The following DCAF4 variants were observed in gnomAD, a reference collection of about 807,000 sequenced individuals.
DCAF4 encodes the protein DDB1- and CUL4-associated factor 4.
DCAF4 carries 37 observed loss-of-function variants against 60.9 expected under a neutral mutation model. That is an observed-to-expected ratio of 0.61 (90% confidence interval 0.47 to 0.80). The LOEUF (loss-of-function observed/expected upper bound fraction) is 0.80, where lower values mean the gene tolerates loss of function less well. Ranked by LOEUF, DCAF4 falls within the 30% of genes least tolerant of loss-of-function variation. DCAF4 has a pLI of 0.00. For synonymous variants in DCAF4, 243 were observed against 254.8 expected (o/e 0.95, Z 0.44); for missense variants, 577 against 650.0 (o/e 0.89, Z 1.22).
downstream of DCAF4, chr14:72,960,552 C>G (rs775147573): frequency 1.1e-5 from 11 of 1,008,132 alleles, no homozygotes; most frequent in Non-Finnish European, 1.1e-5. Context: ...TGTGCCCCCT[C>G]AGCATTGTGG....
intron 1 of DCAF4, among the ~76,000 whole-genome samples, chr14:72,927,120 C>T (rs1398129307): frequency 6.6e-6 from 1 of 152,220 alleles, no homozygotes; most frequent in African/African-American, 2.4e-5. Context: ...CTCGCCTCCA[C>T]TCTGAGTTGT....
At chr14:72,947,071 C>T in intron 7 of DCAF4, 71 bp from the exon 8 acceptor site, 4 of 1,592,066 alleles carry the variant, frequency 2.5e-6, no homozygotes, top group Non-Finnish European at 3.4e-6. Flanking sequence ...TCTGTGTCCC[C>T]ACATGTTATT....
intron 4 of DCAF4, 144 bp downstream of exon 4, chr14:72,940,521 A>G: frequency 1.3e-6 from 1 of 770,582 alleles, no homozygotes; most frequent in Non-Finnish European, 1.9e-6. Flanking sequence ...TTTCCCTGAC[A>G]GGAAGAAGAC....
intron 2 of DCAF4, 111 bp from the exon 3 acceptor site, chr14:72,939,691 C>T: frequency 1.3e-6 from 1 of 795,678 alleles, no homozygotes; most frequent in South Asian, 2.0e-5. Context: ...TCAGAAAGGT[C>T]AGAGATCAGA....
chr14:72,956,016 A>G (rs1438536520), intron 12 of DCAF4, among the ~76,000 whole-genome samples: 1 of 135,020 alleles, frequency 7.4e-6, no homozygotes, highest in African/African-American at 2.8e-5. Flanking sequence ...TCTGTCTCTC[A>G]GGTTCAAGCG....
rs1356888157 is a variant in DCAF4 at position 72,958,677 on chromosome 14, TC to T, written c.1364del (p.Pro455ArgfsTer58). Reference protein sequence around the residue: ...HDARLLRTIPSPYPASKADIP... With the variant: ...HDARLLRTIPXPYPASKADIP... ...TGCCCGCCTACTGAGAACCATACCC[TC>T]CCCGTACCCTGCCTCCAAGGCCGAC... On this transcript the variant is annotated frameshift_variant, in exon 14 of 14. Coordinates refer to ENST00000358377, the MANE Select transcript of DCAF4 (RefSeq NM_015604.4). LOFTEE classifies it high-confidence loss of function. The T allele has an allele frequency of 6.2e-7, 1 of 1,613,994 alleles. No individual in the cohort carries two copies. Among genetic ancestry groups the T allele is most frequent in the Non-Finnish European group, 8.5e-7 (1 of 1,180,006 alleles).
At chr14:72,957,425 TTC>T in intron 13 of DCAF4, 1 of 152,364 alleles carries the variant, frequency 6.6e-6, no homozygotes, top group South Asian at 2.1e-4. Context: ...GCAGAATGTG[TTC>T]TCAGTCTTCA....
chr14:72,953,078 G>A (rs561603632), intron 9 of DCAF4, among the ~76,000 whole-genome samples: 16 of 120,636 alleles, frequency 1.3e-4, no homozygotes, highest in Non-Finnish European at 2.4e-4. Flanking sequence ...TCAGTTCACC[G>A]CAACCTCCGC....
intron 9 of DCAF4, among the ~76,000 whole-genome samples, chr14:72,952,413 G>A (rs1286251259): frequency 6.6e-6 from 1 of 152,134 alleles, no homozygotes; most frequent in Non-Finnish European, 1.5e-5. Flanking sequence ...AAGTGGACAG[G>A]GCCTTCTCAG....
At chr14:72,947,517 ACT>A (rs1890889472) in intron 8 of DCAF4, among the ~76,000 whole-genome samples, 3 of 152,176 alleles carry the variant, frequency 2.0e-5, no homozygotes, top group Non-Finnish European at 4.4e-5. Context: ...AGGCCGGCTC[ACT>A]CTGCCACTGT....
At chr14:72,953,399 A>G (rs904974913) in intron 9 of DCAF4, among the ~76,000 whole-genome samples, 2 of 152,084 alleles carry the variant, frequency 1.3e-5, no homozygotes, top group African/African-American at 4.8e-5. Context: ...CGTTCTATCA[A>G]TGCAAAAGTT....
intron 1 of DCAF4, among the ~76,000 whole-genome samples, chr14:72,927,972 G>A (rs11624935): frequency 0.44 from 66,386 of 151,656 alleles, 15,543 homozygotes; most frequent in East Asian, 0.54. Flanking sequence ...TAAATTATTT[G>A]TTAAGATGGG....
chr14:72,947,048 G>C lies in DCAF4; in HGVS notation c.679-94G>C. 4.7e-6 allele frequency: 7 copies of C among 1,500,578 alleles called. No homozygotes were observed. The South Asian group carries it at 7.9e-5, about 17-fold the overall frequency. The allele number at this position is 1,500,578 out of a possible 1,614,324, so 93.0% of individuals were successfully genotyped here. On this transcript the variant is annotated intron_variant, in intron 7 of 13. Transcript: ENST00000358377. ...TTTGAAGAGGAGCAGGACGTGAAGAGAGAAGTCACACGTCTGTGTCCCCAC... is the reference window on the plus strand; with the variant it reads ...TTTGAAGAGGAGCAGGACGTGAAGACAGAAGTCACACGTCTGTGTCCCCAC...
At chr14:72,929,659 T>C (rs1236126929) in intron 1 of DCAF4, 5 of 1,339,210 alleles carry the variant, frequency 3.7e-6, no homozygotes, top group Admixed American at 1.9e-5. Flanking sequence ...AGTACCTTGC[T>C]CAGCTCCTCC....
intron 6 of DCAF4, among the ~76,000 whole-genome samples, chr14:72,943,536 C>T (rs1406954242): frequency 6.6e-6 from 1 of 152,160 alleles, no homozygotes; most frequent in Non-Finnish European, 1.5e-5. Flanking sequence ...TTGCTTGCCG[C>T]CCCTGGCTTC....
intron 1 of DCAF4, among the ~76,000 whole-genome samples, chr14:72,930,639 G>GTA (rs1439964637): frequency 7.2e-6 from 1 of 138,184 alleles, no homozygotes; most frequent in Non-Finnish European, 1.6e-5. Context: ...GTATGTGTGT[G>GTA]TGTATATATA....
Position 72,940,035 on chromosome 14 carries a change from GT to G in DCAF4, c.193+134del, listed in dbSNP as rs1174368836. The G allele has an allele frequency of 5.1e-6, 6 of 1,166,878 alleles. No homozygotes were observed. The African/African-American group carries it at 6.2e-5, about 12-fold the overall frequency. The allele number at this position is 1,166,878 out of a possible 1,614,324, so 72.3% of individuals were successfully genotyped here. On this transcript the variant is annotated intron_variant, in intron 3 of 13. Coordinates refer to ENST00000358377, the MANE Select transcript of DCAF4 (RefSeq NM_015604.4). ...GGAGCTGGGTGCGTCAGGAATGGTG[GT>G]CATGAGGCAAACCGCCTCCCCCAGG...
intron 7 of DCAF4, 149 bp from the exon 8 acceptor site, chr14:72,946,993 C>T: frequency 5.9e-6 from 6 of 1,015,640 alleles, no homozygotes; most frequent in Non-Finnish European, 9.1e-6. Flanking sequence ...CCTGCTTAAG[C>T]CCCACCCTCA....
At position 72,945,239 on chromosome 14, in the gene DCAF4, T is replaced by A. The variant is rs529216485; in HGVS notation, c.535-645T>A. 4.0e-5 allele frequency among the ~76,000 whole-genome samples: 6 copies of A among 151,586 alleles called. No homozygotes were observed. The South Asian group carries it at 1.3e-3, about 32-fold the overall frequency. ...GAGACCGTATCTCTACAAAAAAATATAAAAGTAGCCAGGCACAGTGGTTCA... is the reference window on the plus strand; with the variant it reads ...GAGACCGTATCTCTACAAAAAAATAAAAAAGTAGCCAGGCACAGTGGTTCA... On this transcript the variant is annotated intron_variant, in intron 6 of 13. Transcript: ENST00000358377.
Sources: gnomAD v4.1 joint callset for allele counts (sites outside exome capture counted in the v4.1 genomes callset) on GRCh38, gnomAD v4.1.1 for gene constraint, MANE v1.5 for transcripts, NCBI Gene and HGNC (gene_info 2026-07-23, HGNC 2026-07-21) for gene names.